The following RIMS1 variants were observed in gnomAD, a reference collection of about 807,000 sequenced individuals.
The protein encoded by RIMS1 is regulating synaptic membrane exocytosis protein 1.
Under a neutral mutation model 214.1 loss-of-function variants are expected in RIMS1, and 83 were observed. That is an observed-to-expected ratio of 0.39 (90% CI 0.32 to 0.47). The LOEUF is 0.47. Ranked by LOEUF, RIMS1 falls within the 20% of genes least tolerant of loss-of-function variation. The pLI, the probability that RIMS1 is intolerant of heterozygous loss-of-function variation, is 0.99. For missense variants in RIMS1, 2,050 were observed against 2,161.8 expected (o/e 0.95, Z 1.03); for synonymous variants, 793 against 786.8 (o/e 1.01, Z -0.13).
intron 29 of RIMS1, among the ~76,000 whole-genome samples, chr6:72,359,894 T>C (rs1189620981): frequency 1.3e-5 from 2 of 152,192 alleles, no homozygotes; most frequent in African/African-American, 2.4e-5. Context: ...CAACCCACCA[T>C]ATAAAATACT....
In RIMS1 at chr6:72,161,017, C is replaced by CT. The variant is rs1180793385; in HGVS notation, c.472-18548dup. Among the ~76,000 whole-genome samples the CT allele has an allele frequency of 7.3e-3, 961 of 132,504 alleles. 172 individuals carry two copies. Among genetic ancestry groups the CT allele is most frequent in the Admixed American group, 0.057 (728 of 12,806 alleles). 86.9% of individuals were successfully genotyped at this position (132,504 alleles called of 152,430 possible). On this transcript the variant is annotated intron_variant, in intron 4 of 33. Coordinates refer to ENST00000521978, the MANE Select transcript of RIMS1 (RefSeq NM_014989.7). Reference sequence around the variant, plus strand: ...GGCTGTGAATCCATCTGGTTCTGGACTTTTTTTTTTGGTTGGTAGGCAATT... The same window carrying CT: ...GGCTGTGAATCCATCTGGTTCTGGACTTTTTTTTTTTGGTTGGTAGGCAATT...
intron 2 of RIMS1, among the ~76,000 whole-genome samples, chr6:71,970,685 A>G (rs1056369199): frequency 8.5e-5 from 13 of 152,198 alleles, no homozygotes; most frequent in African/African-American, 2.9e-4. Context: ...AGAAGCAACT[A>G]TAGATTCTTT....
Position 72,333,810 on chromosome 6 carries a change from A to AAGCACATT in RIMS1, c.4348_4349insTAGCACAT (p.Ser1450LeufsTer16). 1 of 1,588,520 alleles carries AAGCACATT rather than the reference A, an allele frequency of 6.3e-7. No homozygotes were observed. Among genetic ancestry groups the AAGCACATT allele is most frequent in the Non-Finnish European group, 8.6e-7 (1 of 1,167,126 alleles). On this transcript the variant is annotated frameshift_variant, in exon 29 of 34. Transcript: ENST00000521978. ...TTGCCATAGTGTCTCGAAGGAGTAG[A>AAGCACATT]AGCACATCCCAGCTTAGTCAAACAG...
At position 72,290,686 on chromosome 6, in the gene RIMS1, C is replaced by G. The variant is rs1267902492; in HGVS notation, c.3562C>G (p.Pro1188Ala). 1.2e-6 allele frequency: 2 copies of G among 1,613,108 alleles called. No homozygotes were observed. ...GTASDAERVL[P>A]TCLSRRGHAA... ...TTGGCCCTAATGTTTTAGGGTTCTC[C>G]CAACATGTCTTTCTAGAAGGGGACA... is the stretch of plus-strand genomic sequence containing the variant. The change falls in exon 25 of 34, where the codon CCA (proline) becomes GCA (alanine). Residue 1188 changes from proline to alanine, a missense_variant. Physicochemically the swap from Pro to Ala is conservative, Grantham distance 27 (BLOSUM62 -1). Transcript: ENST00000521978.
intron 4 of RIMS1, among the ~76,000 whole-genome samples, chr6:72,121,532 T>C (rs1587521371): frequency 6.6e-6 from 1 of 152,148 alleles, no homozygotes; most frequent in African/African-American, 2.4e-5. Context: ...AAGTTGCTTA[T>C]CAGCTTAAGG....
At chr6:71,932,006 G>C (rs1446374750) in intron 1 of RIMS1, among the ~76,000 whole-genome samples, 2 of 152,150 alleles carry the variant, frequency 1.3e-5, no homozygotes, top group South Asian at 2.1e-4. Flanking sequence ...TGGATAAAAA[G>C]GAATGCTTAT....
intron 27 of RIMS1, 96 bp from the exon 28 acceptor site, chr6:72,313,410 T>C: frequency 9.7e-7 from 1 of 1,034,162 alleles, no homozygotes. Flanking sequence ...AGGTACACCT[T>C]TATTTGGTGT....
At chr6:72,017,174 C>T (rs1394215888) in intron 2 of RIMS1, among the ~76,000 whole-genome samples, 1 of 152,124 alleles carries the variant, frequency 6.6e-6, no homozygotes, top group Non-Finnish European at 1.5e-5. Flanking sequence ...ATCTCTTTCT[C>T]TTAGTGTTTA....
chr6:72,381,247 T>C (rs1176318144), intron 29 of RIMS1, among the ~76,000 whole-genome samples: 2 of 152,106 alleles, frequency 1.3e-5, no homozygotes, highest in African/African-American at 4.8e-5. Flanking sequence ...CCAGCTCTTA[T>C]AAGAACACCA....
intron 4 of RIMS1, among the ~76,000 whole-genome samples, chr6:72,148,894 G>A (rs1184568807): frequency 2.0e-5 from 3 of 152,000 alleles, no homozygotes; most frequent in Non-Finnish European, 4.4e-5. Context: ...CATAAGCAGA[G>A]TGCTAAGGTG....
At chr6:72,014,210 GC>G (rs1811893913) in intron 2 of RIMS1, among the ~76,000 whole-genome samples, 1 of 152,184 alleles carries the variant, frequency 6.6e-6, no homozygotes, top group African/African-American at 2.4e-5. Flanking sequence ...GAAGGGGGAA[GC>G]CCCTTATAAA....
intron 2 of RIMS1, among the ~76,000 whole-genome samples, chr6:72,020,993 T>C (rs2151939237): frequency 6.6e-6 from 1 of 152,366 alleles, no homozygotes; most frequent in South Asian, 2.1e-4. Flanking sequence ...AATTCCAAGA[T>C]ATTCCATATT....
intron 3 of RIMS1, 66 bp downstream of exon 3, chr6:72,097,228 T>G: frequency 7.5e-7 from 1 of 1,328,860 alleles, no homozygotes; most frequent in Non-Finnish European, 1.1e-6. Context: ...CTTCCAAACA[T>G]GAGAACACGT....
At chr6:71,957,612 G>A (rs1262307338) in intron 1 of RIMS1, among the ~76,000 whole-genome samples, 2 of 150,264 alleles carry the variant, frequency 1.3e-5, no homozygotes, top group African/African-American at 5.0e-5. Context: ...TAAATACCAG[G>A]GTTAATTAGA....
chr6:72,003,187 C>T (rs1429953436), intron 2 of RIMS1, among the ~76,000 whole-genome samples: 42 of 152,102 alleles, frequency 2.8e-4, no homozygotes, highest in Non-Finnish European at 4.4e-5. Flanking sequence ...ATGATCTCAT[C>T]GACACCCTGA....
intron 2 of RIMS1, among the ~76,000 whole-genome samples, chr6:72,071,417 A>C (rs1830561073): frequency 6.6e-6 from 1 of 152,118 alleles, no homozygotes; most frequent in Non-Finnish European, 1.5e-5. Context: ...AAAACAAAGA[A>C]AGAAAGAAAA....
chr6:72,279,364 T>G (rs1490749778), intron 23 of RIMS1, among the ~76,000 whole-genome samples: 1 of 152,034 alleles, frequency 6.6e-6, no homozygotes, highest in Non-Finnish European at 1.5e-5. Flanking sequence ...TAGCTTTGAT[T>G]TAATAATAAA....
At chr6:72,076,494 T>A (rs1276125396) in intron 2 of RIMS1, among the ~76,000 whole-genome samples, 1 of 152,194 alleles carries the variant, frequency 6.6e-6, no homozygotes, top group African/African-American at 2.4e-5. Context: ...CATCTCCACC[T>A]AATTACCTTT....
intron 6 of RIMS1, among the ~76,000 whole-genome samples, chr6:72,231,107 A>G (rs1260081122): frequency 1.3e-5 from 2 of 151,716 alleles, no homozygotes; most frequent in South Asian, 2.1e-4. Flanking sequence ...ATGAAATATT[A>G]GACTCTGAAT....
Sources: gnomAD v4.1 joint callset for allele counts (sites outside exome capture counted in the v4.1 genomes callset) on GRCh38, gnomAD v4.1.1 for gene constraint, MANE v1.5 for transcripts, NCBI Gene and HGNC (gene_info 2026-07-23, HGNC 2026-07-21) for gene names.